Variants in DGUOK observed in about 807,000 individuals in gnomAD.
DGUOK encodes deoxyguanosine kinase, mitochondrial.
In DGUOK, 30 loss-of-function variants were observed where a neutral mutation model predicts 36.6. The ratio of observed to expected loss-of-function variants is 0.82; its 90% CI spans 0.61 to 1.11. The LOEUF (loss-of-function observed/expected upper bound fraction) is 1.11. Ranked by LOEUF, DGUOK falls within the 50% of genes most tolerant of loss-of-function variation. The pLI is 0.00. For synonymous variants in DGUOK, 145 were observed against 126.3 expected (o/e 1.15, Z -0.99); for missense variants, 361 against 336.4 (o/e 1.07, Z -0.57).
intron 4 of DGUOK, among the ~76,000 whole-genome samples, chr2:73,952,982 A>G (rs1037998194): frequency 6.6e-6 from 1 of 152,134 alleles, no homozygotes; most frequent in South Asian, 2.1e-4. Flanking sequence ...CTGCTGCCTC[A>G]TCATATGATG....
At chr2:73,947,915 T>G (rs992254467) in intron 3 of DGUOK, 1 of 152,218 alleles carries the variant, frequency 6.6e-6, no homozygotes, top group Non-Finnish European at 1.5e-5. Context: ...GTTCTATTTC[T>G]TAGTGCTTCC....
chr2:73,950,996 T>C (rs756097124), intron 4 of DGUOK, among the ~76,000 whole-genome samples: 6 of 152,156 alleles, frequency 3.9e-5, no homozygotes, highest in African/African-American at 1.4e-4. Flanking sequence ...GTGTCATCTT[T>C]ATGATGACGC....
Position 73,953,758 on chromosome 2 carries a change from C to G in DGUOK, c.591+3026C>G, listed in dbSNP as rs532723329. Among the ~76,000 whole-genome samples the G allele has an allele frequency of 1.9e-3, 241 of 127,884 alleles. 1 individual carries two copies. The highest frequency in any genetic ancestry group is 3.3e-3 in the Non-Finnish European group (206 of 63,042). The allele number at this position is 127,884 out of a possible 152,430, so 83.9% of individuals were successfully genotyped here. On this transcript the variant is annotated intron_variant, in intron 4 of 6. Coordinates refer to ENST00000264093, the MANE Select transcript of DGUOK (RefSeq NM_080916.3). ...TTTTTTTTTGAGACAGAGTTTTGCT[C>G]TGTTGCCCAGGCTGGAGTGGCACGA...
intron 3 of DGUOK, 74 bp from the exon 4 acceptor site, chr2:73,950,511 C>T (rs946023730): frequency 5.7e-6 from 7 of 1,229,612 alleles, no homozygotes; most frequent in Non-Finnish European, 8.1e-6. Flanking sequence ...TTTTCTGCTT[C>T]TCTCTCTCTC....
chr2:73,938,712 G>T (rs1260709997), intron 1 of DGUOK, among the ~76,000 whole-genome samples, 198 bp from the exon 2 acceptor site: 1 of 152,140 alleles, frequency 6.6e-6, no homozygotes, highest in Non-Finnish European at 1.5e-5. Flanking sequence ...CTCCCTATTG[G>T]CTGTATTCAT....
At chr2:73,943,922 C>T (rs984718071) in intron 2 of DGUOK, among the ~76,000 whole-genome samples, 1 of 152,114 alleles carries the variant, frequency 6.6e-6, no homozygotes, top group East Asian at 1.9e-4. Flanking sequence ...GCCGGGATTA[C>T]AGGCATGAGC....
rs143508197 is a variant in DGUOK at position 73,940,816 on chromosome 2, G to A, written c.255+1794G>A. Among the ~76,000 whole-genome samples, 284 of 152,368 alleles carry A rather than the reference G, an allele frequency of 1.9e-3. 2 individuals carry two copies. The highest frequency in any genetic ancestry group is 6.6e-3 in the African/African-American group (274 of 41,598). ...TAGGAGCAATAGGGTGTGTCATATA[G>A]CATAGGTGTGTAGCAGGCTATCCCA... is the stretch of plus-strand genomic sequence containing the variant. On this transcript the variant is annotated intron_variant, in intron 2 of 6. Coordinates refer to ENST00000264093, the MANE Select transcript of DGUOK (RefSeq NM_080916.3).
intron 2 of DGUOK, among the ~76,000 whole-genome samples, chr2:73,942,780 A>G (rs1455754707): frequency 6.6e-6 from 1 of 152,224 alleles, no homozygotes; most frequent in Non-Finnish European, 1.5e-5. Context: ...TTGTTCTGTC[A>G]TTAATGAAAC....
chr2:73,956,090 G>C (rs750559407), intron 4 of DGUOK, among the ~76,000 whole-genome samples: 1 of 152,222 alleles, frequency 6.6e-6, no homozygotes, highest in Non-Finnish European at 1.5e-5. Flanking sequence ...CAGGGGAAGA[G>C]CTAAGGCAGT....
Position 73,946,790 on chromosome 2 carries a change from A to G in DGUOK, c.327A>G (p.Thr109=), listed in dbSNP as rs1168657829. 1.3e-5 allele frequency: 21 copies of G among 1,614,130 alleles called. No homozygotes were observed. The highest frequency in any genetic ancestry group is 8.9e-5 in the East Asian group (4 of 44,890). ...MYREPARWSY[T]FQTFSFLSRL... ...GGGAGCCAGCACGATGGTCCTACAC[A>G]TTCCAGACATTTTCCTTTTTGAGCC... Residue 109 remains threonine, a synonymous_variant, in exon 3 of 7, where the codon ACA becomes ACG. Transcript: ENST00000264093.
intron 6 of DGUOK, 109 bp downstream of exon 6, chr2:73,958,354 AC>A: frequency 1.2e-6 from 1 of 840,790 alleles, no homozygotes; most frequent in Non-Finnish European, 2.0e-6. Flanking sequence ...TTTGCATCTC[AC>A]ATTGCATTTC....
chr2:73,956,322 T>C (rs1000500953), intron 4 of DGUOK, among the ~76,000 whole-genome samples: 1 of 152,248 alleles, frequency 6.6e-6, no homozygotes, highest in Admixed American at 6.5e-5. Context: ...AGTGAATGTT[T>C]GGTATGACAT....
At chr2:73,931,283 GTTTGTTTT>G (rs931892430) in intron 1 of DGUOK, among the ~76,000 whole-genome samples, 18 of 151,598 alleles carry the variant, frequency 1.2e-4, no homozygotes, top group African/African-American at 4.1e-4. Flanking sequence ...TTGTTTGTTT[GTTTGTTTT>G]TTTGATGGAG....
intron 5 of DGUOK, 54 bp downstream of exon 5, chr2:73,957,294 AGTT>A: frequency 3.6e-6 from 5 of 1,403,426 alleles, no homozygotes; most frequent in Non-Finnish European, 5.0e-6. Context: ...CCCAACAGCC[AGTT>A]GTTAAAAACA....
chr2:73,951,831 C>T lies in DGUOK; in HGVS notation c.591+1099C>T, dbSNP rs1682725624. 2.0e-5 allele frequency among the ~76,000 whole-genome samples: 3 copies of T among 152,072 alleles called. No homozygotes were observed. In the South Asian group the frequency reaches 6.2e-4, roughly 32 times the overall value. ...ATTTTGAGGCAAAAGCTAGATCGTA[C>T]GAGGGAATAAGAGATTCTACAGAAA... On this transcript the variant is annotated intron_variant, in intron 4 of 6. Transcript: ENST00000264093.
At chr2:73,937,111 G>A (rs966341037) in intron 1 of DGUOK, among the ~76,000 whole-genome samples, 3 of 152,216 alleles carry the variant, frequency 2.0e-5, no homozygotes, top group African/African-American at 7.2e-5. Context: ...GGCATACACA[G>A]GGATCAGATC....
At chr2:73,949,064 G>T (rs1323512117) in intron 3 of DGUOK, among the ~76,000 whole-genome samples, 1 of 152,160 alleles carries the variant, frequency 6.6e-6, no homozygotes, top group Non-Finnish European at 1.5e-5. Context: ...CAATTCTTGT[G>T]CCTCAGTCTC....
intron 2 of DGUOK, among the ~76,000 whole-genome samples, chr2:73,941,298 C>T (rs1434063683): frequency 6.6e-6 from 1 of 152,200 alleles, no homozygotes; most frequent in Admixed American, 6.5e-5. Flanking sequence ...CCCTGAGGCC[C>T]AGCCACCCAG....
chr2:73,946,070 A>AAAAAAAAG (rs56231941), intron 2 of DGUOK, among the ~76,000 whole-genome samples: 1 of 142,972 alleles, frequency 7.0e-6, no homozygotes, highest in Non-Finnish European at 1.5e-5. Context: ...AAAAAAAAAA[A>AAAAAAAAG]AATCCGGGGC....
Sources: allele counts gnomAD v4.1 joint callset (sites outside exome capture counted in the v4.1 genomes callset), GRCh38; gene constraint gnomAD v4.1.1; transcripts MANE v1.5; gene names NCBI Gene and HGNC (gene_info 2026-07-23, HGNC 2026-07-21).